The following ZBTB16 variants were observed in gnomAD, a reference collection of about 807,000 sequenced individuals.
ZBTB16 encodes the protein zinc finger and BTB domain containing 16, also known as zinc finger and BTB domain-containing protein 16.
In ZBTB16, 8 loss-of-function variants were observed where a neutral mutation model predicts 56.8. That is an observed-to-expected ratio of 0.14 (90% CI 0.08 to 0.25). The LOEUF is 0.25. Among genes scored for constraint, ZBTB16 ranks in the 10% least tolerant of loss-of-function variants. The probability of loss-of-function intolerance (pLI) is 1.00; values close to 1 mark genes in which losing one functional copy is unlikely to be tolerated. For synonymous variants in ZBTB16, 363 were observed against 368.5 expected, an observed-to-expected ratio of 0.98 and a Z score of 0.17; for missense variants, 625 against 903.0, an observed-to-expected ratio of 0.69 and a Z score of 3.95.
At chr11:114,153,229 G>A (rs1942320098) in intron 2 of ZBTB16, among the ~76,000 whole-genome samples, 4 of 152,188 alleles carry the variant, frequency 2.6e-5, no homozygotes, top group Admixed American at 6.5e-5. Flanking sequence ...AAAGATACGA[G>A]CAAACCAGTG....
intron 2 of ZBTB16, among the ~76,000 whole-genome samples, chr11:114,085,854 A>G (rs1191431125): frequency 2.0e-5 from 3 of 152,140 alleles, no homozygotes; most frequent in African/African-American, 7.2e-5. Flanking sequence ...TGATTTGAAT[A>G]CCAAGCTAGC....
chr11:114,108,977 C>T (rs1316023878), intron 2 of ZBTB16, among the ~76,000 whole-genome samples: 1 of 152,216 alleles, frequency 6.6e-6, no homozygotes, highest in Non-Finnish European at 1.5e-5. Flanking sequence ...TGCCTACCTC[C>T]TGCGTGTGCT....
intron 3 of ZBTB16, among the ~76,000 whole-genome samples, chr11:114,183,052 C>A (rs988111077): frequency 6.6e-6 from 1 of 152,140 alleles, no homozygotes; most frequent in Non-Finnish European, 1.5e-5. Context: ...CGCTCGGCTC[C>A]GCTCACGTGT....
At chr11:114,172,295 C>T (rs1464265290) in intron 3 of ZBTB16, among the ~76,000 whole-genome samples, 5 of 152,134 alleles carry the variant, frequency 3.3e-5, no homozygotes, top group Admixed American at 3.3e-4. Flanking sequence ...TTAGAAGGAG[C>T]CCATGGTAGA....
chr11:114,131,800 C>T (rs1941667182), intron 2 of ZBTB16, among the ~76,000 whole-genome samples: 1 of 152,196 alleles, frequency 6.6e-6, no homozygotes, highest in South Asian at 2.1e-4. Context: ...GAACTGCTTT[C>T]AGAATGTGTA....
intron 6 of ZBTB16, among the ~76,000 whole-genome samples, chr11:114,247,906 T>TG (rs1944846680): frequency 6.6e-6 from 1 of 151,526 alleles, no homozygotes; most frequent in South Asian, 2.1e-4. Context: ...CCTTCACATT[T>TG]TTTTTTTTTA....
chr11:114,087,858 G>A (rs1280666046), intron 2 of ZBTB16, among the ~76,000 whole-genome samples: 4 of 152,122 alleles, frequency 2.6e-5, no homozygotes, highest in Admixed American at 6.6e-5. Flanking sequence ...TGAAGGCAGG[G>A]ACCATCTTTT....
intron 3 of ZBTB16, among the ~76,000 whole-genome samples, chr11:114,183,164 T>A (rs633767): frequency 0.19 from 29,620 of 151,938 alleles, 3,314 homozygotes; most frequent in African/African-American, 0.32. Context: ...GAGTGGGGGC[T>A]AGCAATGGGA....
chr11:114,069,493 C>T (rs1264038239), intron 2 of ZBTB16, among the ~76,000 whole-genome samples: 4 of 152,192 alleles, frequency 2.6e-5, no homozygotes, highest in African/African-American at 4.8e-5. Flanking sequence ...GCCAGCTGTA[C>T]GGTGCATGAG....
intron 2 of ZBTB16, among the ~76,000 whole-genome samples, chr11:114,105,397 G>A (rs1018021920): frequency 6.6e-6 from 1 of 151,934 alleles, no homozygotes; most frequent in Non-Finnish European, 1.5e-5. Flanking sequence ...TTGCCACTAC[G>A]CCCAGCTAAT....
chr11:114,248,179 G>A (rs1219355387), intron 6 of ZBTB16, among the ~76,000 whole-genome samples: 7 of 152,208 alleles, frequency 4.6e-5, no homozygotes, highest in Non-Finnish European at 7.3e-5. Context: ...GATTACAGGC[G>A]TGAGCCACCG....
chr11:114,159,939 G>GGGGC (rs1555145927), intron 3 of ZBTB16, among the ~76,000 whole-genome samples: 4 of 149,324 alleles, frequency 2.7e-5, no homozygotes, highest in Admixed American at 1.3e-4. Flanking sequence ...GGGGGAGGCG[G>GGGGC]GGGGGAGGCG....
chr11:114,172,804 T>C (rs1392388146), intron 3 of ZBTB16, among the ~76,000 whole-genome samples: 1 of 152,194 alleles, frequency 6.6e-6, no homozygotes, highest in Non-Finnish European at 1.5e-5. Flanking sequence ...ATATGGCAAA[T>C]AGTTTCCCAC....
intron 2 of ZBTB16, among the ~76,000 whole-genome samples, chr11:114,093,466 C>T (rs1940268818): frequency 6.6e-6 from 1 of 152,342 alleles, no homozygotes; most frequent in African/African-American, 2.4e-5. Context: ...ACAACTCCCT[C>T]TCTTGTCCTT....
At chr11:114,242,070 A>C (rs1944717865) in intron 4 of ZBTB16, 97 bp from the exon 5 acceptor site, 13 of 1,489,816 alleles carry the variant, frequency 8.7e-6, no homozygotes, top group Non-Finnish European at 1.1e-5. Context: ...GGGGATTTGG[A>C]GGTGTGAGTC....
intron 2 of ZBTB16, among the ~76,000 whole-genome samples, chr11:114,146,632 A>C (rs1414222614): frequency 6.6e-6 from 1 of 151,998 alleles, no homozygotes; most frequent in Non-Finnish European, 1.5e-5. Flanking sequence ...GGATCGCTTG[A>C]GGTCAGGAGT....
At chr11:114,162,976 C>T (rs1326618384) in intron 3 of ZBTB16, among the ~76,000 whole-genome samples, 4 of 152,180 alleles carry the variant, frequency 2.6e-5, no homozygotes, top group African/African-American at 9.7e-5. Flanking sequence ...GTTCTGCCAG[C>T]ATTCCAGAGA....
intron 2 of ZBTB16, among the ~76,000 whole-genome samples, chr11:114,104,548 T>G (rs544029141): frequency 2.0e-5 from 3 of 151,972 alleles, no homozygotes; most frequent in East Asian, 1.9e-4. Flanking sequence ...TGGATTGGTG[T>G]TGTTTTGCTG....
intron 4 of ZBTB16, among the ~76,000 whole-genome samples, chr11:114,219,902 G>A (rs1054441247): frequency 6.6e-6 from 1 of 152,134 alleles, no homozygotes; most frequent in African/African-American, 2.4e-5. Flanking sequence ...TCACCCCCAT[G>A]TCTAAACCAG....
Sources: allele counts gnomAD v4.1 joint callset (sites outside exome capture counted in the v4.1 genomes callset), GRCh38; gene constraint gnomAD v4.1.1; transcripts MANE v1.5; gene names NCBI Gene and HGNC (gene_info 2026-07-23, HGNC 2026-07-21).